NUP205: variants seen among roughly 807,000 people sequenced by gnomAD.
NUP205 encodes the protein nuclear pore complex protein Nup205.
A neutral mutation model predicts 253.8 loss-of-function variants in NUP205; 76 were observed. The ratio of observed to expected loss-of-function variants is 0.30; its 90% CI spans 0.25 to 0.36. NUP205 has a LOEUF of 0.36. NUP205 is among the 10% of genes least tolerant of loss of function. NUP205 has a pLI of 1.00. For synonymous variants in NUP205, 832 were observed against 850.1 expected (o/e 0.98, Z 0.37); for missense variants, 2,162 against 2,425.5 (o/e 0.89, Z 2.28).
At chr7:135,572,236 G>T (rs911634273) in intron 2 of NUP205, among the ~76,000 whole-genome samples, 2 of 152,124 alleles carry the variant, frequency 1.3e-5, no homozygotes, top group African/African-American at 4.8e-5. Flanking sequence ...CTAGCTAGGA[G>T]ATAAACTTAA....
rs1563117653 is a variant in NUP205, at chr7:135,587,675, A to C, written c.1319A>C (p.Glu440Ala). ...EPPISLRRDL[E>A]HLMLLIGELY... ...CCCATTTCACTTAGAAGGGACCTGG[A>C]ACACTTAATGCTTTTGGTAAGCCAT... The change falls in exon 9 of 43, where the codon GAA (glutamate) becomes GCA (alanine). Residue 440 changes from glutamate (E) to alanine (A), a missense_variant. By Grantham distance (107) the Glu-to-Ala change is moderately radical (BLOSUM62 -1). Transcript: ENST00000285968. 2 of 1,601,146 alleles carry C rather than the reference A, an allele frequency of 1.2e-6. No homozygotes were observed. Among genetic ancestry groups the C allele is most frequent in the Non-Finnish European group, 1.7e-6 (2 of 1,172,806 alleles).
chr7:135,587,490 C>A, intron 8 of NUP205, 85 bp from the exon 9 acceptor site: 2 of 617,370 alleles, frequency 3.2e-6, no homozygotes, highest in South Asian at 4.6e-5. Context: ...TGTATGTAGT[C>A]ACTTTAAGAC....
Position 135,629,376 on chromosome 7 carries a change from C to T in NUP205, c.4933-968C>T, listed in dbSNP as rs534626225. 3.7e-4 allele frequency among the ~76,000 whole-genome samples: 57 copies of T among 152,134 alleles called. 1 individual carries two copies. The highest frequency in any genetic ancestry group is 1.3e-3 in the African/African-American group (53 of 41,514). On this transcript the variant is annotated intron_variant, in intron 34 of 42. Transcript: ENST00000285968. Reference sequence around the variant, plus strand: ...AGAGTTATGGCCAGGTGTGGTGGCCCATGCCTGTAATCCCAGCACTTTGGG... The same window carrying T: ...AGAGTTATGGCCAGGTGTGGTGGCCTATGCCTGTAATCCCAGCACTTTGGG...
intron 39 of NUP205, among the ~76,000 whole-genome samples, chr7:135,643,642 G>A (rs1479641971): frequency 6.6e-6 from 1 of 151,170 alleles, no homozygotes; most frequent in East Asian, 1.9e-4. Flanking sequence ...TCTGTTCTGA[G>A]AAAGGCTTCT....
Position 135,577,036 on chromosome 7 carries a change from G to A in NUP205, c.556G>A (p.Val186Ile), listed in dbSNP as rs543779457. ...GATGGAGCAAGGATTGACTTATAAA[G>A]TTCTTACGCTGGTGTCACAGATTGA... ...ELMEQGLTYK[V>I]LTLVSQIDVN... Residue 186 changes from valine to isoleucine, a missense_variant, in exon 5 of 43, where the codon GTT becomes ATT. By Grantham distance (29) the Val-to-Ile change is conservative. This residue lies in a region of NUP205 where 892 missense variants were observed against 957.1 expected (regional missense o/e 0.93). Transcript: ENST00000285968. 1 of 1,614,112 alleles carries A rather than the reference G, an allele frequency of 6.2e-7. No homozygotes were observed.
intron 30 of NUP205, among the ~76,000 whole-genome samples, chr7:135,620,916 A>G (rs1380505832): frequency 6.6e-6 from 1 of 152,236 alleles, no homozygotes; most frequent in Non-Finnish European, 1.5e-5. Context: ...ATTGAAACTA[A>G]TCTTAAGACA....
intron 16 of NUP205, 86 bp downstream of exon 16, chr7:135,601,055 A>T: frequency 1.5e-6 from 1 of 658,464 alleles, no homozygotes; most frequent in Non-Finnish European, 2.5e-6. Context: ...ATTAAAAATT[A>T]TACTTTTAAA....
chr7:135,639,035 C>A (rs1794870018), intron 38 of NUP205, among the ~76,000 whole-genome samples: 1 of 152,140 alleles, frequency 6.6e-6, no homozygotes, highest in African/African-American at 2.4e-5. Flanking sequence ...AATTCAGTGT[C>A]TAAACTGGGT....
chr7:135,564,360 C>T lies in NUP205; in HGVS notation c.28+6388C>T, dbSNP rs538344261. On this transcript the variant is annotated intron_variant, in intron 1 of 42. Transcript: ENST00000285968. Reference sequence around the variant, plus strand: ...CTCCTGGGTTCAAGCAATTCTCCTGCCCCGGCCTCCCAAGTAACTGGGATT... The same window carrying T: ...CTCCTGGGTTCAAGCAATTCTCCTGTCCCGGCCTCCCAAGTAACTGGGATT... Among the ~76,000 whole-genome samples, 94 of 151,684 alleles carry T rather than the reference C, an allele frequency of 6.2e-4. 3 individuals are homozygous for T. Among genetic ancestry groups the T allele is most frequent in the Middle Eastern group, 3.4e-3 (1 of 292 alleles).
At position 135,601,451 on chromosome 7, in the gene NUP205, C is replaced by T; in HGVS notation, c.2456C>T (p.Ala819Val). 6.2e-7 allele frequency: 1 copy of T among 1,613,930 alleles called. No individual in the cohort carries two copies. The highest frequency in any genetic ancestry group is 1.1e-5 in the South Asian group (1 of 91,066). ...AATGAGTCACCAATGTTGGAGCTTGCTCTCAGTTTACTGGAAGAAGGAGTT... is the reference window on the plus strand; with the variant it reads ...AATGAGTCACCAATGTTGGAGCTTGTTCTCAGTTTACTGGAAGAAGGAGTT... ...LLNESPMLEL[A>V]LSLLEEGVKQ... Residue 819 changes from alanine to valine, a missense_variant, in exon 17 of 43, where the codon GCT (alanine) becomes GTT (valine). Ala to Val is a moderately conservative substitution (Grantham distance 64). Transcript: ENST00000285968.
chr7:135,595,447 C>T (rs903860908), intron 13 of NUP205, among the ~76,000 whole-genome samples: 2 of 152,052 alleles, frequency 1.3e-5, no homozygotes, highest in Admixed American at 6.6e-5. Context: ...TGGTCTTGAA[C>T]TCCTGGCTTC....
chr7:135,638,827 C>A lies in NUP205; in HGVS notation c.5392+144C>A, dbSNP rs777228603. 5 of 846,392 alleles carry A rather than the reference C, an allele frequency of 5.9e-6. No homozygotes were observed. The Admixed American group carries it at 1.2e-4, about 20-fold the overall frequency. The allele number at this position is 846,392 out of a possible 1,614,324, so 52.4% of individuals were successfully genotyped here. A position where few individuals can be genotyped will look rare whatever the true frequency, so the allele number is the denominator to read the frequency against. On this transcript the variant is annotated intron_variant, in intron 38 of 42. Coordinates refer to ENST00000285968, the MANE Select transcript of NUP205 (RefSeq NM_015135.3). ...ATTTTAAATAAGTTTTAAAGTTGAG[C>A]GGGAGGTATTATTATTAGACCTATG...
intron 1 of NUP205, among the ~76,000 whole-genome samples, chr7:135,562,054 C>T (rs1172363361): frequency 6.6e-6 from 1 of 152,006 alleles, no homozygotes; most frequent in Non-Finnish European, 1.5e-5. Context: ...GCTGGGATTA[C>T]AGGCCTGAAC....
At chr7:135,564,383 A>AT (rs1369647126) in intron 1 of NUP205, among the ~76,000 whole-genome samples, 1 of 151,354 alleles carries the variant, frequency 6.6e-6, no homozygotes, top group Non-Finnish European at 1.5e-5. Context: ...AGTAACTGGG[A>AT]TTACAGGTGT....
rs531776500 is a variant in NUP205 at position 135,582,866 on chromosome 7, G to A, written c.1043-1966G>A. On this transcript the variant is annotated intron_variant, in intron 7 of 42. Transcript: ENST00000285968. The stretch of plus-strand genomic sequence containing the variant: ...AACACTTGGGGAGGCCGAGGCGGGT[G>A]GATCATGAGGTCAAGAGATCAAGAC... 4.3e-4 allele frequency among the ~76,000 whole-genome samples: 32 copies of A among 74,614 alleles called. No individual in the cohort carries two copies. The South Asian group carries it at 0.013, about 31-fold the overall frequency. 48.9% of individuals were successfully genotyped at this position (74,614 alleles called of 152,430 possible).
intron 36 of NUP205, among the ~76,000 whole-genome samples, chr7:135,635,859 G>C (rs1459258034): frequency 6.6e-6 from 1 of 152,010 alleles, no homozygotes; most frequent in African/African-American, 2.4e-5. Flanking sequence ...TTGGGGGATG[G>C]GGAGGAGATG....
chr7:135,626,191 C>T (rs746925018), intron 32 of NUP205, 49 bp from the exon 33 acceptor site: 1 of 1,608,070 alleles, frequency 6.2e-7, no homozygotes, highest in South Asian at 1.1e-5. Context: ...TCTCTGAGGC[C>T]CTTGGACATG....
At chr7:135,583,844 CTTTT>C (rs756603941) in intron 7 of NUP205, among the ~76,000 whole-genome samples, 5,001 of 138,934 alleles carry the variant, frequency 0.036, 113 homozygotes, top group Middle Eastern at 0.11. Flanking sequence ...TTCTTTCTTT[CTTTT>C]TTTTTTTTTT....
intron 40 of NUP205, 24 bp from the exon 41 acceptor site, chr7:135,645,444 C>G (rs1794988616): frequency 1.9e-5 from 30 of 1,606,200 alleles, no homozygotes; most frequent in Non-Finnish European, 2.5e-5. Context: ...AGATTATGTT[C>G]CTTTAATCTG....
Sources: allele counts gnomAD v4.1 joint callset (sites outside exome capture counted in the v4.1 genomes callset), GRCh38; gene constraint gnomAD v4.1.1; regional missense constraint gnomAD v4.1.1; transcripts MANE v1.5; gene names NCBI Gene and HGNC (gene_info 2026-07-23, HGNC 2026-07-21).